The following HEATR4 variants were observed in gnomAD, a reference collection of about 807,000 sequenced individuals.
HEATR4 encodes the protein HEAT repeat containing 4.
A neutral mutation model predicts 108.8 loss-of-function variants in HEATR4; 95 were observed. That is an observed-to-expected ratio of 0.87 (90% CI 0.74 to 1.04). The LOEUF (loss-of-function observed/expected upper bound fraction) is 1.04. HEATR4 is among the 50% of genes least tolerant of loss of function. The pLI is 0.00. For synonymous variants in HEATR4, 443 were observed against 459.4 expected, an observed-to-expected ratio of 0.96 and a Z score of 0.46; for missense variants, 1,152 against 1,253.8, an observed-to-expected ratio of 0.92 and a Z score of 1.23.
At chr14:73,603,184 T>C in the HEATR4 span, among the ~76,000 whole-genome samples, 1 of 152,358 alleles carries the variant, frequency 6.6e-6, no homozygotes, top group East Asian at 1.9e-4. Flanking sequence ...TAATTCCATA[T>C]GTCCCCAGGC....
At chr14:73,591,907 A>C in the HEATR4 span, 1 of 1,341,040 alleles carries the variant, frequency 7.5e-7, no homozygotes, top group South Asian at 2.1e-5. Flanking sequence ...GCTTGCCACG[A>C]TCTTGGACGG....
At chr14:73,578,504 T>C in the HEATR4 span, among the ~76,000 whole-genome samples, 1 of 152,082 alleles carries the variant, frequency 6.6e-6, no homozygotes, top group African/African-American at 2.4e-5. Context: ...GATTGGATTA[T>C]AGGCATGAGC....
chr14:73,562,642 G>A (rs1378097441), upstream of HEATR4, among the ~76,000 whole-genome samples: 3 of 152,036 alleles, frequency 2.0e-5, no homozygotes, highest in Non-Finnish European at 4.4e-5. Flanking sequence ...AATACCCTGG[G>A]AAAGGAATGC....
the HEATR4 span, among the ~76,000 whole-genome samples, chr14:73,623,878 T>G: frequency 6.6e-6 from 1 of 152,054 alleles, no homozygotes; most frequent in Non-Finnish European, 1.5e-5. Context: ...CCATGTGATC[T>G]GCACACGCTA....
At chr14:73,595,612 A>C in the HEATR4 span, 1 of 1,549,258 alleles carries the variant, frequency 6.5e-7, no homozygotes, top group Non-Finnish European at 8.7e-7. Context: ...TCTTCTGCAA[A>C]CACCTGGGAG....
At chr14:73,516,697 A>G (rs1319801590) in intron 5 of HEATR4, among the ~76,000 whole-genome samples, 1 of 152,092 alleles carries the variant, frequency 6.6e-6, no homozygotes, top group Non-Finnish European at 1.5e-5. Context: ...GGCCACCACA[A>G]CAGGATGTGA....
chr14:73,524,310 A>AAAAAAAAAATATAT, intron 2 of HEATR4, among the ~76,000 whole-genome samples: 3 of 54,780 alleles, frequency 5.5e-5, no homozygotes, highest in Non-Finnish European at 9.3e-5. Context: ...AAAAAAAAAA[A>AAAAAAAAAATATAT]ATATATATAT....
chr14:73,514,759 A>G (rs1264924451), intron 5 of HEATR4, among the ~76,000 whole-genome samples: 1 of 152,198 alleles, frequency 6.6e-6, no homozygotes, highest in Non-Finnish European at 1.5e-5. Context: ...AGCCGTAAAT[A>G]TTAGATATAG....
the HEATR4 span, among the ~76,000 whole-genome samples, chr14:73,576,816 A>AAAAAAAAAAAAG: frequency 5.6e-3 from 325 of 58,134 alleles, 74 homozygotes; most frequent in African/African-American, 0.011. Flanking sequence ...AAAAAAAAAA[A>AAAAAAAAAAAAG]AAAAGACAAT....
chr14:73,605,556 C>CTTTTT, the HEATR4 span, among the ~76,000 whole-genome samples: 166 of 56,936 alleles, frequency 2.9e-3, 14 homozygotes, highest in Non-Finnish European at 4.7e-3. Context: ...CTGTAAGATT[C>CTTTTT]TTTTTTTTTT....
intron 1 of HEATR4, among the ~76,000 whole-genome samples, chr14:73,554,202 G>A (rs1889365330): frequency 8.8e-6 from 1 of 113,700 alleles, no homozygotes. Flanking sequence ...TGTAATCCCA[G>A]CTACTCAGGA....
chr14:73,502,782 C>T (rs1217862546), intron 11 of HEATR4, 113 bp downstream of exon 11: 2 of 754,152 alleles, frequency 2.7e-6, no homozygotes, highest in African/African-American at 1.7e-5. Context: ...CTCCTGACCT[C>T]GTGATCCGCC....
chr14:73,488,750 C>G (rs1885548181), intron 17 of HEATR4, among the ~76,000 whole-genome samples: 1 of 152,136 alleles, frequency 6.6e-6, no homozygotes, highest in South Asian at 2.1e-4. Flanking sequence ...CAGTCGGGCA[C>G]CGCGGCTCAT....
rs1248956168 is a variant in HEATR4, at chr14:73,547,711, T to G, written c.-152+11040A>C. Among the ~76,000 whole-genome samples, 3 of 113,802 alleles carry G rather than the reference T, an allele frequency of 2.6e-5. 1 individual carries two copies. Among genetic ancestry groups the G allele is most frequent in the African/African-American group, 8.6e-5 (3 of 35,044 alleles). 74.7% of individuals were successfully genotyped at this position (113,802 alleles called of 152,430 possible). On this transcript the variant is annotated intron_variant, in intron 1 of 17. Coordinates refer to ENST00000553558, the MANE Select transcript of HEATR4 (RefSeq NM_001220484.1). ...AGCAGCCTAGCCAACATGGTAAAAC[T>G]CCATCTCTACCAAAAAATATAAAAA...
the HEATR4 span, among the ~76,000 whole-genome samples, chr14:73,604,432 T>A: frequency 6.6e-6 from 1 of 151,996 alleles, no homozygotes; most frequent in Non-Finnish European, 1.5e-5. Context: ...CTGAAAATGC[T>A]GGGATTACAG....
the HEATR4 span, among the ~76,000 whole-genome samples, chr14:73,615,812 G>A: frequency 1.3e-5 from 2 of 152,136 alleles, no homozygotes; most frequent in African/African-American, 4.8e-5. Flanking sequence ...AGCACTTGAA[G>A]AGGCCGAGGT....
rs546104571 is a variant in HEATR4, at chr14:73,535,968, G to T, written c.-151-5724C>A. Among the ~76,000 whole-genome samples, 2 of 115,554 alleles carry T rather than the reference G, an allele frequency of 1.7e-5. 1 individual carries two copies. The highest frequency in any genetic ancestry group is 3.8e-5 in the Non-Finnish European group (2 of 53,030). 75.8% of individuals were successfully genotyped at this position (115,554 alleles called of 152,430 possible). On this transcript the variant is annotated intron_variant, in intron 1 of 17. Coordinates refer to ENST00000553558, the MANE Select transcript of HEATR4 (RefSeq NM_001220484.1). The stretch of plus-strand genomic sequence containing the variant: ...CTCTGGGCCTTAATTTACTACTACG[G>T]TTCTTGTAAGTATTAACAATTAGCT...
intron 1 of HEATR4, among the ~76,000 whole-genome samples, chr14:73,542,633 T>C (rs1787455076): frequency 9.1e-6 from 1 of 110,064 alleles, no homozygotes; most frequent in African/African-American, 3.1e-5. Flanking sequence ...CTCGAACTCC[T>C]GACCTCAAAT....
the HEATR4 span, among the ~76,000 whole-genome samples, chr14:73,607,369 C>T: frequency 6.6e-6 from 1 of 152,284 alleles, no homozygotes; most frequent in East Asian, 1.9e-4. Flanking sequence ...TTAGCCAGGG[C>T]TGGAGTGGCT....
Sources: gnomAD v4.1 joint callset for allele counts (sites outside exome capture counted in the v4.1 genomes callset) on GRCh38, gnomAD v4.1.1 for gene constraint, MANE v1.5 for transcripts, NCBI Gene and HGNC (gene_info 2026-07-23, HGNC 2026-07-21) for gene names.